The following LILRA1 variants were observed in gnomAD, a reference collection of about 807,000 sequenced individuals.
LILRA1 encodes leukocyte immunoglobulin like receptor A1, also known as leukocyte immunoglobulin-like receptor subfamily A member 1.
A neutral mutation model predicts 51.6 loss-of-function variants in LILRA1; 51 were observed. That is an observed-to-expected ratio of 0.99 (90% CI 0.79 to 1.25). LILRA1 has a LOEUF of 1.25. Ranked by LOEUF, LILRA1 falls within the 50% of genes most tolerant of loss-of-function variation. The probability of loss-of-function intolerance (pLI) is 0.00; values close to 1 mark genes in which losing one functional copy is unlikely to be tolerated. For missense variants in LILRA1, 660 were observed against 611.7 expected (o/e 1.08, Z -0.83); for synonymous variants, 305 against 248.4 (o/e 1.23, Z -2.14).
rs1361562599 is a variant in LILRA1 at position 54,594,943 on chromosome 19, G to C, written c.349G>C (p.Val117Leu). 8 of 1,613,940 alleles carry C rather than the reference G, an allele frequency of 5.0e-6. No individual in the cohort carries two copies. Among genetic ancestry groups the C allele is most frequent in the African/African-American group, 1.3e-5 (1 of 74,996 alleles). The change falls in exon 4 of 10, where the codon GTG (valine) becomes CTG (leucine). Residue 117 changes from valine (V) to leucine (L), a missense_variant. By Grantham distance (32) the Val-to-Leu change is conservative. Transcript: ENST00000251372. ...AGAGCCCAGTGACCCCCTGGAGCTG[G>C]TGGTGACAGGTGAGCTGACACTGAG... ...WSEPSDPLEL[V>L]VTGAYIKPTL...
At chr19:54,600,002 A>C (rs2063136036) in intron 8 of LILRA1, among the ~76,000 whole-genome samples, 2 of 152,062 alleles carry the variant, frequency 1.3e-5, no homozygotes, top group African/African-American at 4.8e-5. Context: ...CTATATGAGG[A>C]ATTAGTTAAC....
intron 1 of LILRA1, 103 bp from the exon 2 acceptor site, chr19:54,594,091 TGGC>T: frequency 8.1e-7 from 1 of 1,236,352 alleles, no homozygotes; most frequent in South Asian, 1.4e-5. Context: ...GCTTCCTGTG[TGGC>T]TGCAGATGAC....
At chr19:54,594,568 G>T in intron 3 of LILRA1, 92 bp downstream of exon 3, 1 of 1,612,936 alleles carries the variant, frequency 6.2e-7, no homozygotes, top group Non-Finnish European at 8.5e-7. Flanking sequence ...TAGCAGTTCT[G>T]GACTGACTGA....
rs139160307 is a variant in LILRA1, at chr19:54,595,708, T to C, written c.731T>C (p.Leu244Pro). ...PIVAPGESLT[L>P]QCVSDVSYDR... The stretch of plus-strand genomic sequence containing the variant: ...GTGGCCCCTGGGGAGAGCCTGACCC[T>C]CCAGTGTGTTTCTGATGTCAGCTAC... The change falls in exon 6 of 10, where the codon CTC becomes CCC. Residue 244 changes from leucine (L) to proline (P), a missense_variant. By Grantham distance (98) the Leu-to-Pro change is moderately conservative. Transcript: ENST00000251372. 12 of 1,614,028 alleles carry C rather than the reference T, an allele frequency of 7.4e-6. No homozygotes were observed. The African/African-American group carries it at 1.6e-4, about 22-fold the overall frequency.
rs755921625 is a variant in LILRA1 at position 54,595,796 on chromosome 19, C to A, written c.819C>A (p.Pro273=). Residue 273 remains proline (P), a synonymous_variant, in exon 6 of 10, where the codon CCC becomes CCA. Transcript: ENST00000251372. Reference sequence around the variant, plus strand: ...TCCTCCAGCTCCCTGGCCCACAGCCCCAGGCTGGGCTCTCCCAGGCCAACT... The same window carrying A: ...TCCTCCAGCTCCCTGGCCCACAGCCACAGGCTGGGCTCTCCCAGGCCAACT... ...RDFLQLPGPQ[P]QAGLSQANFT... The A allele has an allele frequency of 6.2e-7, 1 of 1,614,164 alleles. No individual in the cohort carries two copies. Among genetic ancestry groups the A allele is most frequent in the Non-Finnish European group, 8.5e-7 (1 of 1,180,006 alleles).
rs763672344 is a variant in LILRA1 at position 54,595,743 on chromosome 19, G to T, written c.766G>T (p.Val256Phe). Residue 256 changes from valine to phenylalanine, a missense_variant, in exon 6 of 10, where the codon GTT becomes TTT. Val to Phe is a conservative substitution (Grantham distance 50). Coordinates refer to ENST00000251372, the MANE Select transcript of LILRA1 (RefSeq NM_006863.4). ...CVSDVSYDRF[V>F]LYKEGERDFL... ...TTCTGATGTCAGCTACGACAGATTT[G>T]TTCTGTATAAGGAGGGAGAACGTGA... The T allele has an allele frequency of 3.1e-6, 5 of 1,613,940 alleles. No homozygotes were observed. The highest frequency in any genetic ancestry group is 4.2e-6 in the Non-Finnish European group (5 of 1,179,974).
rs1238424239 is a variant in LILRA1 at position 54,602,289 on chromosome 19, A to G, written c.*1472A>G. ...ATTCGCCATCTACCCTCTAGAATAGAGAAATCTTATCATTCATCATCTACC... is the reference window on the plus strand; with the variant it reads ...ATTCGCCATCTACCCTCTAGAATAGGGAAATCTTATCATTCATCATCTACC... On this transcript the variant is annotated 3_prime_UTR_variant, in exon 10 of 10. Coordinates refer to ENST00000251372, the MANE Select transcript of LILRA1 (RefSeq NM_006863.4). Among the ~76,000 whole-genome samples the G allele has an allele frequency of 2.1e-5, 3 of 142,118 alleles. No homozygotes were observed. The highest frequency in any genetic ancestry group is 4.9e-5 in the Non-Finnish European group (3 of 61,370). 93.2% of individuals were successfully genotyped at this position (142,118 alleles called of 152,430 possible). A position where few individuals can be genotyped will look rare whatever the true frequency, so the allele number is the denominator to read the frequency against.
chr19:54,594,196 G>A lies in LILRA1; in HGVS notation c.-48-1G>A. On this transcript the variant is annotated splice_acceptor_variant, in intron 1 of 9. Coordinates refer to ENST00000251372, the MANE Select transcript of LILRA1 (RefSeq NM_006863.4). LOFTEE classifies it low-confidence loss of function (5UTR_SPLICE). Reference sequence around the variant, plus strand: ...CTCTCTGTGTGTCTCTGTCCTGCCAGCACCGAGGGCTCATCCATCCGCAGA... The same window carrying A: ...CTCTCTGTGTGTCTCTGTCCTGCCAACACCGAGGGCTCATCCATCCGCAGA... 2 of 1,612,356 alleles carry A rather than the reference G, an allele frequency of 1.2e-6. No homozygotes were observed. The highest frequency in any genetic ancestry group is 2.7e-5 in the African/African-American group (2 of 74,798).
rs187896929 is a variant in LILRA1 at position 54,596,998 on chromosome 19, G to A, written c.1261+507G>A. Among the ~76,000 whole-genome samples the A allele has an allele frequency of 5.3e-5, 8 of 151,442 alleles. No homozygotes were observed. The East Asian group carries it at 1.6e-3, about 30-fold the overall frequency. Reference sequence around the variant, plus strand: ...ACCCTTGTAGTCTCAGTAGGGTAAAGAGCAGGGAAGGCTGGGAGGAGATGG... The same window carrying A: ...ACCCTTGTAGTCTCAGTAGGGTAAAAAGCAGGGAAGGCTGGGAGGAGATGG... On this transcript the variant is annotated intron_variant, in intron 7 of 9. Transcript: ENST00000251372.
chr19:54,595,080 G>A lies in LILRA1; in HGVS notation c.359-20G>A, dbSNP rs769854044. The A allele has an allele frequency of 3.4e-5, 55 of 1,607,610 alleles. No individual in the cohort carries two copies. The Admixed American group carries it at 9.1e-4, about 26-fold the overall frequency. On this transcript the variant is annotated intron_variant, in intron 4 of 9. Coordinates refer to ENST00000251372, the MANE Select transcript of LILRA1 (RefSeq NM_006863.4). ...GGGAGGTGTGAGCCCCATTTAACAT[G>A]GTGCCTCCTTCTCTCCTAGGAGCCT...
At chr19:54,596,539 G>A (rs2146073949) in intron 7 of LILRA1, 48 bp downstream of exon 7, 1 of 1,611,280 alleles carries the variant, frequency 6.2e-7, no homozygotes, top group Non-Finnish European at 8.5e-7. Flanking sequence ...ATCAGCTCAG[G>A]CCCTGCCCCC....
rs61739251 is a variant in LILRA1 at position 54,595,910 on chromosome 19, C to T, written c.933C>T (p.Ser311=). 28,447 of 1,532,948 alleles carry T rather than the reference C, an allele frequency of 0.019. 116 individuals carry two copies. Among genetic ancestry groups the T allele is most frequent in the South Asian group, 0.026 (2,265 of 85,920 alleles). The allele number at this position is 1,532,948 out of a possible 1,614,324, so 95.0% of individuals were successfully genotyped here. A position where few individuals can be genotyped will look rare whatever the true frequency, so the allele number is the denominator to read the frequency against. ...TCTCCTCCGAGTGGTCGGCCCCCAG[C>T]GACCCCCTGGACATCCTGATCGCAG... The part of the protein sequence containing the change: ...YNLSSEWSAP[S]DPLDILIAGQ... Residue 311 remains serine, a synonymous_variant, in exon 6 of 10, where the codon AGC becomes AGT. Transcript: ENST00000251372.
At position 54,593,665 on chromosome 19, in the gene LILRA1, C is replaced by A; in HGVS notation, c.-165C>A. 2.2e-6 allele frequency: 1 copy of A among 459,624 alleles called. No individual in the cohort carries two copies. The allele number at this position is 459,624 out of a possible 1,614,324, so 28.5% of individuals were successfully genotyped here. On this transcript the variant is annotated 5_prime_UTR_variant, in exon 1 of 10. Transcript: ENST00000251372. Reference sequence around the variant, plus strand: ...CCTCTGTGCTCACTGCCACACGCAGCTCAACCTGAGCTACACAGCCAGATG... The same window carrying A: ...CCTCTGTGCTCACTGCCACACGCAGATCAACCTGAGCTACACAGCCAGATG...
At chr19:54,597,250 G>A (rs553592460) in intron 7 of LILRA1, among the ~76,000 whole-genome samples, 10 of 152,296 alleles carry the variant, frequency 6.6e-5, no homozygotes, top group African/African-American at 2.4e-4. Context: ...GGGCAGCAGA[G>A]GGGAGGGTGG....
chr19:54,599,269 A>C lies in LILRA1; in HGVS notation c.1295A>C (p.Lys432Thr), dbSNP rs2063123122. ...AAETLSPPQN[K>T]SDSKAGAANT... ...GAGACCCTCAGCCCACCACAAAACA[A>C]GTCCGATTCCAAGGCTGGTGAGTGA... Residue 432 changes from lysine (K) to threonine (T), a missense_variant, in exon 8 of 10, where the codon AAG becomes ACG. Lys to Thr is a moderately conservative substitution (Grantham distance 78, BLOSUM62 -1). Transcript: ENST00000251372. 6.4e-7 allele frequency: 1 copy of C among 1,572,536 alleles called. No homozygotes were observed. The highest frequency in any genetic ancestry group is 1.7e-5 in the Admixed American group (1 of 58,866).
In LILRA1 at chr19:54,601,788, T is replaced by C. The variant is rs1339661426; in HGVS notation, c.*971T>C. The C allele has an allele frequency of 6.6e-6, 1 of 152,228 alleles. No individual in the cohort carries two copies. Among genetic ancestry groups the C allele is most frequent in the African/African-American group, 2.4e-5 (1 of 41,446 alleles). 9.4% of individuals were successfully genotyped at this position (152,228 alleles called of 1,614,324 possible). A position where few individuals can be genotyped will look rare whatever the true frequency, so the allele number is the denominator to read the frequency against. ...CACCTAGGACAGTCAGGCAGAAGTA[T>C]GCAAAATGACTGGGGCTGATTCTTT... On this transcript the variant is annotated 3_prime_UTR_variant, in exon 10 of 10. Transcript: ENST00000251372.
rs1469398045 is a variant in LILRA1 at position 54,596,220 on chromosome 19, G to A, written c.990G>A (p.Val330=). 5 of 1,613,932 alleles carry A rather than the reference G, an allele frequency of 3.1e-6. No individual in the cohort carries two copies. The African/African-American group carries it at 6.7e-5, about 22-fold the overall frequency. ...TCCGTGGCAGACCCTTCATCTCGGT[G>A]CATCCGGGCCCCACGGTGGCCTCAG... ...GQFRGRPFIS[V]HPGPTVASGE... The change falls in exon 7 of 10, where the codon GTG becomes GTA. Residue 330 remains valine (V), a synonymous_variant. Coordinates refer to ENST00000251372, the MANE Select transcript of LILRA1 (RefSeq NM_006863.4).
chr19:54,598,727 G>A (rs2063109044), intron 7 of LILRA1, among the ~76,000 whole-genome samples: 1 of 151,978 alleles, frequency 6.6e-6, no homozygotes, highest in East Asian at 1.9e-4. Context: ...AAAATGTAAA[G>A]GAATCAAATA....
Position 54,594,658 on chromosome 19 carries a change from C to T in LILRA1, c.71-7C>T. ...GACTTAGAATCTGAACTCTGATTTC[C>T]TTCCAGGGACCCTCCCCAAGCCCAC... is the stretch of plus-strand genomic sequence containing the variant. On this transcript the variant is annotated splice_polypyrimidine_tract_variant and splice_region_variant and intron_variant, in intron 3 of 9. Coordinates refer to ENST00000251372, the MANE Select transcript of LILRA1 (RefSeq NM_006863.4). 6.2e-7 allele frequency: 1 copy of T among 1,611,998 alleles called. No individual in the cohort carries two copies. Among genetic ancestry groups the T allele is most frequent in the Non-Finnish European group, 8.5e-7 (1 of 1,179,042 alleles).
Sources: allele counts gnomAD v4.1 joint callset (sites outside exome capture counted in the v4.1 genomes callset), GRCh38; gene constraint gnomAD v4.1.1; transcripts MANE v1.5; gene names NCBI Gene and HGNC (gene_info 2026-07-23, HGNC 2026-07-21).